GRM7: variants seen among roughly 807,000 people sequenced by gnomAD.
GRM7 encodes the protein metabotropic glutamate receptor 7.
Under a neutral mutation model 84.5 loss-of-function variants are expected in GRM7, and 35 were observed. The observed-to-expected ratio is 0.41, with a 90% CI of 0.32 to 0.55. The LOEUF (loss-of-function observed/expected upper bound fraction) is 0.55, where lower values mean the gene tolerates loss of function less well. Ranked by LOEUF, GRM7 falls within the 20% of genes least tolerant of loss-of-function variation. The probability of loss-of-function intolerance (pLI) is 0.19; values close to 1 mark genes in which losing one functional copy is unlikely to be tolerated. For missense variants in GRM7, 1,003 were observed against 1,194.6 expected (o/e 0.84, Z 2.36); for synonymous variants, 487 against 455.1 (o/e 1.07, Z -0.89).
At chr3:6,881,674 A>T (rs1322136434) in intron 1 of GRM7, among the ~76,000 whole-genome samples, 1 of 138,210 alleles carries the variant, frequency 7.2e-6, no homozygotes, top group Non-Finnish European at 1.7e-5. Flanking sequence ...TGCAGCAAAC[A>T]AGCATGAAAA....
At chr3:7,153,241 A>T (rs1356888981) in intron 2 of GRM7, among the ~76,000 whole-genome samples, 3 of 130,944 alleles carry the variant, frequency 2.3e-5, no homozygotes, top group African/African-American at 8.7e-5. Flanking sequence ...TCTGTTTATT[A>T]TCCCTCATAA....
intron 1 of GRM7, among the ~76,000 whole-genome samples, chr3:7,017,129 A>G (rs1404718700): frequency 6.6e-6 from 1 of 152,204 alleles, no homozygotes; most frequent in Non-Finnish European, 1.5e-5. Context: ...TTCCAGTCAT[A>G]GAATAATTCT....
At chr3:7,134,473 T>C (rs1005790442) in intron 1 of GRM7, among the ~76,000 whole-genome samples, 7 of 152,082 alleles carry the variant, frequency 4.6e-5, no homozygotes, top group African/African-American at 1.7e-4. Context: ...ACCATAGACT[T>C]ATATGGTTTC....
chr3:7,057,298 A>AC (rs1200029792), intron 1 of GRM7, among the ~76,000 whole-genome samples: 1 of 151,904 alleles, frequency 6.6e-6, no homozygotes, highest in Non-Finnish European at 1.5e-5. Context: ...ATATCTGTTT[A>AC]CCCCTGTATT....
At chr3:7,624,855 G>C (rs1386353120) in intron 8 of GRM7, among the ~76,000 whole-genome samples, 1 of 152,108 alleles carries the variant, frequency 6.6e-6, no homozygotes. Context: ...GATTTGAGCA[G>C]GAAAGGAAAG....
intron 4 of GRM7, among the ~76,000 whole-genome samples, chr3:7,339,792 T>C (rs935067700): frequency 2.0e-5 from 3 of 152,164 alleles, no homozygotes; most frequent in Non-Finnish European, 4.4e-5. Flanking sequence ...GTGATTTTTT[T>C]TCCTAAATGG....
intron 4 of GRM7, among the ~76,000 whole-genome samples, chr3:7,338,713 G>A (rs1385934177): frequency 2.0e-5 from 3 of 151,954 alleles, no homozygotes; most frequent in Admixed American, 6.6e-5. Flanking sequence ...ATTGAAACTG[G>A]AAAATTCTCT....
chr3:6,914,515 G>A (rs1696877548), intron 1 of GRM7, among the ~76,000 whole-genome samples: 1 of 151,888 alleles, frequency 6.6e-6, no homozygotes, highest in African/African-American at 2.4e-5. Flanking sequence ...TGATTCTCCT[G>A]CCTCAGCCTC....
At chr3:7,130,507 C>T (rs77431810) in intron 1 of GRM7, among the ~76,000 whole-genome samples, 1,506 of 148,060 alleles carry the variant, frequency 0.01, 6 homozygotes, top group Middle Eastern at 0.017. Flanking sequence ...CGCACCATTG[C>T]ACTACAACCC....
chr3:7,571,342 C>G (rs1165776650), intron 7 of GRM7, among the ~76,000 whole-genome samples: 1 of 152,112 alleles, frequency 6.6e-6, no homozygotes, highest in East Asian at 1.9e-4. Flanking sequence ...AAACTGAATG[C>G]CTTTAACAGC....
At chr3:7,154,658 A>G (rs1341970440) in intron 2 of GRM7, among the ~76,000 whole-genome samples, 1 of 152,182 alleles carries the variant, frequency 6.6e-6, no homozygotes, top group Non-Finnish European at 1.5e-5. Context: ...ATAGAGGGGT[A>G]GAGACTCAAA....
chr3:7,237,860 A>T (rs1048830818), intron 2 of GRM7, among the ~76,000 whole-genome samples: 10 of 152,062 alleles, frequency 6.6e-5, no homozygotes, highest in African/African-American at 2.4e-4. Context: ...CAGAGTGCTG[A>T]TTGGTGCGTT....
chr3:7,072,082 CT>C (rs141547964), intron 1 of GRM7, among the ~76,000 whole-genome samples: 1,735 of 152,200 alleles, frequency 0.011, 26 homozygotes, highest in African/African-American at 0.04. Flanking sequence ...ATTTCTCCCC[CT>C]GGTAGTCCTG....
At chr3:6,904,923 A>C (rs990898893) in intron 1 of GRM7, among the ~76,000 whole-genome samples, 1 of 151,948 alleles carries the variant, frequency 6.6e-6, no homozygotes, top group East Asian at 1.9e-4. Flanking sequence ...GGGTCTTGCT[A>C]TGTTGCCCAG....
intron 4 of GRM7, among the ~76,000 whole-genome samples, chr3:7,331,983 C>A (rs1422724409): frequency 6.6e-6 from 1 of 152,112 alleles, no homozygotes; most frequent in Non-Finnish European, 1.5e-5. Flanking sequence ...GAGTGTGACT[C>A]AGACTGTGAT....
chr3:7,643,090 G>A (rs916813048), intron 8 of GRM7, among the ~76,000 whole-genome samples: 1 of 152,060 alleles, frequency 6.6e-6, no homozygotes, highest in Non-Finnish European at 1.5e-5. Flanking sequence ...ATCACGTGCT[G>A]GGTGATTGTT....
At position 7,479,306 on chromosome 3, in the gene GRM7, A is replaced by G. The variant is rs141941389; in HGVS notation, c.1515+17584A>G. 1.3e-3 allele frequency among the ~76,000 whole-genome samples: 197 copies of G among 152,096 alleles called. 1 individual carries two copies. The East Asian group carries it at 0.036, about 28-fold the overall frequency. On this transcript the variant is annotated intron_variant, in intron 7 of 9. Transcript: ENST00000357716. ...TGGTGGTGAGGAAGCTTCGGTACTC[A>G]TCTACAACTCTCATGCCTCACTGTT...
chr3:7,093,298 T>TTG (rs1329807307), intron 1 of GRM7, among the ~76,000 whole-genome samples: 2 of 151,992 alleles, frequency 1.3e-5, no homozygotes, highest in Non-Finnish European at 2.9e-5. Flanking sequence ...AGGCAAGTAT[T>TTG]ACTGGCTTCA....
At chr3:7,162,063 T>A (rs1694642245) in intron 2 of GRM7, among the ~76,000 whole-genome samples, 1 of 152,168 alleles carries the variant, frequency 6.6e-6, no homozygotes, top group African/African-American at 2.4e-5. Flanking sequence ...ATGGTGATGG[T>A]TGTTACGAGC....
Sources: gnomAD v4.1 joint callset for allele counts (sites outside exome capture counted in the v4.1 genomes callset) on GRCh38, gnomAD v4.1.1 for gene constraint, MANE v1.5 for transcripts, NCBI Gene and HGNC (gene_info 2026-07-23, HGNC 2026-07-21) for gene names.